CNTNAP2: variants seen among roughly 807,000 people sequenced by gnomAD.
The protein encoded by CNTNAP2 is contactin associated protein 2, also known as contactin-associated protein-like 2.
CNTNAP2 carries 98 observed loss-of-function variants against 155.2 expected under a neutral mutation model. That is an observed-to-expected ratio of 0.63 (90% confidence interval 0.54 to 0.75). The LOEUF (loss-of-function observed/expected upper bound fraction) is 0.75, where lower values mean the gene tolerates loss of function less well. Ranked by LOEUF, CNTNAP2 falls within the 30% of genes least tolerant of loss-of-function variation. The pLI is 0.00. For missense variants in CNTNAP2, 1,727 were observed against 1,688.1 expected (o/e 1.02, Z -0.40); for synonymous variants, 651 against 631.2 (o/e 1.03, Z -0.47).
At chr7:146,541,062 G>T (rs1797945724) in intron 1 of CNTNAP2, among the ~76,000 whole-genome samples, 1 of 151,838 alleles carries the variant, frequency 6.6e-6, no homozygotes, top group South Asian at 2.1e-4. Flanking sequence ...AATCCTTTTA[G>T]TCTCATTTTT....
chr7:146,633,202 A>G (rs556219283), intron 1 of CNTNAP2, among the ~76,000 whole-genome samples: 121 of 152,322 alleles, frequency 7.9e-4, no homozygotes, highest in African/African-American at 2.8e-3. Flanking sequence ...ATGGATTTCT[A>G]AATTCAAGAT....
chr7:148,175,718 C>T (rs1438169959), intron 18 of CNTNAP2, among the ~76,000 whole-genome samples: 1 of 152,022 alleles, frequency 6.6e-6, no homozygotes, highest in Non-Finnish European at 1.5e-5. Flanking sequence ...CATAAAATAG[C>T]CCAGGGGGAC....
In CNTNAP2 at chr7:147,328,507, G is replaced by C. The variant is rs1044856227; in HGVS notation, c.1498+28217G>C. Among the ~76,000 whole-genome samples the C allele has an allele frequency of 2.6e-5, 4 of 152,160 alleles. No homozygotes were observed. The East Asian group carries it at 7.7e-4, about 29-fold the overall frequency. On this transcript the variant is annotated intron_variant, in intron 9 of 23. Transcript: ENST00000361727. ...GTGCAAGGACTGGGACGACTGAATC[G>C]ACTATTTAGAGGGCCGAGGCCAGAA...
chr7:147,876,103 A>G lies in CNTNAP2; in HGVS notation c.2099-27462A>G, dbSNP rs77655855. On this transcript the variant is annotated intron_variant, in intron 13 of 23. Transcript: ENST00000361727. ...ACTTATATAAAAGAATGAAAAGTAA[A>G]TCCTGACAACCTACCGGAAGAGAAC... 7.0e-4 allele frequency among the ~76,000 whole-genome samples: 106 copies of G among 152,306 alleles called. 2 individuals carry two copies. In the East Asian group the frequency reaches 7.3e-3, roughly 11 times the overall value.
intron 1 of CNTNAP2, among the ~76,000 whole-genome samples, chr7:146,576,390 A>G (rs1341825044): frequency 6.6e-6 from 1 of 152,202 alleles, no homozygotes; most frequent in Non-Finnish European, 1.5e-5. Context: ...GACATTGTAC[A>G]ACAGCTCAAA....
intron 1 of CNTNAP2, among the ~76,000 whole-genome samples, chr7:146,674,426 A>G (rs1171637622): frequency 6.6e-6 from 1 of 152,126 alleles, no homozygotes. Flanking sequence ...TAAGATTCCA[A>G]ACATTCTGTA....
At chr7:146,326,159 A>G (rs1459972755) in intron 1 of CNTNAP2, among the ~76,000 whole-genome samples, 1 of 152,156 alleles carries the variant, frequency 6.6e-6, no homozygotes, top group African/African-American at 2.4e-5. Flanking sequence ...CTATTTTACT[A>G]AAGATCACAC....
chr7:146,747,008 C>T (rs1379169691), intron 1 of CNTNAP2, among the ~76,000 whole-genome samples: 3 of 152,006 alleles, frequency 2.0e-5, no homozygotes, highest in African/African-American at 7.2e-5. Context: ...GCTCTTGATA[C>T]GGAGTCCCTG....
At chr7:146,700,536 T>C (rs1800859343) in intron 1 of CNTNAP2, among the ~76,000 whole-genome samples, 1 of 152,082 alleles carries the variant, frequency 6.6e-6, no homozygotes, top group Admixed American at 6.6e-5. Context: ...ATTGTACATG[T>C]ATGTTTATAA....
At chr7:146,319,266 T>G (rs1800960179) in intron 1 of CNTNAP2, among the ~76,000 whole-genome samples, 1 of 152,198 alleles carries the variant, frequency 6.6e-6, no homozygotes, top group Non-Finnish European at 1.5e-5. Context: ...CATCATGCTA[T>G]TGTACTCTAA....
At chr7:148,392,888 A>T (rs1799383224) in intron 22 of CNTNAP2, among the ~76,000 whole-genome samples, 1 of 126,374 alleles carries the variant, frequency 7.9e-6, no homozygotes, top group South Asian at 3.0e-4. Flanking sequence ...CCCCCATTAG[A>T]CTTGAGTATA....
At chr7:147,642,603 G>C (rs889399380) in intron 13 of CNTNAP2, among the ~76,000 whole-genome samples, 1 of 152,034 alleles carries the variant, frequency 6.6e-6, no homozygotes, top group Non-Finnish European at 1.5e-5. Context: ...CACTCTGTTA[G>C]TTGCATTTCC....
intron 1 of CNTNAP2, among the ~76,000 whole-genome samples, chr7:146,727,941 C>T (rs990372397): frequency 2.0e-5 from 3 of 152,106 alleles, no homozygotes; most frequent in Non-Finnish European, 2.9e-5. Context: ...TTTTGCTGAG[C>T]ATTCTGGTTG....
intron 10 of CNTNAP2, among the ~76,000 whole-genome samples, chr7:147,442,015 C>T (rs1160501516): frequency 6.6e-6 from 1 of 152,022 alleles, no homozygotes; most frequent in Non-Finnish European, 1.5e-5. Flanking sequence ...CACTCTCTGG[C>T]TACTGCCTAT....
At chr7:146,934,635 A>G (rs187752838) in intron 3 of CNTNAP2, among the ~76,000 whole-genome samples, 82 of 152,306 alleles carry the variant, frequency 5.4e-4, no homozygotes, top group African/African-American at 1.9e-3. Context: ...AATTTTCAAC[A>G]ATGGACATGT....
At chr7:146,662,207 G>T (rs1313847265) in intron 1 of CNTNAP2, among the ~76,000 whole-genome samples, 3 of 151,890 alleles carry the variant, frequency 2.0e-5, no homozygotes, top group Non-Finnish European at 1.5e-5. Context: ...GCACGACCTG[G>T]GCTCATTGAA....
Position 147,533,596 on chromosome 7 carries a change from AT to A in CNTNAP2, c.1778-28539del, listed in dbSNP as rs1329123119. On this transcript the variant is annotated intron_variant, in intron 11 of 23. Coordinates refer to ENST00000361727, the MANE Select transcript of CNTNAP2 (RefSeq NM_014141.6). The stretch of plus-strand genomic sequence containing the variant: ...CTTCATGCTTAAAAAAATAAGCTTT[AT>A]TTAAAAAAAAAAAAATACTTACTTG... 2.4e-3 allele frequency among the ~76,000 whole-genome samples: 357 copies of A among 151,164 alleles called. 2 individuals carry two copies. Among genetic ancestry groups the A allele is most frequent in the African/African-American group, 8.2e-3 (336 of 40,936 alleles).
intron 8 of CNTNAP2, among the ~76,000 whole-genome samples, chr7:147,132,873 T>C (rs1801406082): frequency 6.6e-6 from 1 of 152,190 alleles, no homozygotes; most frequent in African/African-American, 2.4e-5. Flanking sequence ...TTTCTCTTTA[T>C]CAACATTCGT....
At chr7:146,879,734 C>T (rs554916419) in intron 3 of CNTNAP2, among the ~76,000 whole-genome samples, 20 of 151,982 alleles carry the variant, frequency 1.3e-4, no homozygotes, top group South Asian at 4.2e-4. Context: ...CATGAGCTCA[C>T]GGTCAGTGCT....
Sources: gnomAD v4.1 joint callset for allele counts (sites outside exome capture counted in the v4.1 genomes callset) on GRCh38, gnomAD v4.1.1 for gene constraint, MANE v1.5 for transcripts, NCBI Gene and HGNC (gene_info 2026-07-23, HGNC 2026-07-21) for gene names.